The following SLC25A21 variants were observed in gnomAD, a reference collection of about 807,000 sequenced individuals.
SLC25A21 encodes solute carrier family 25 member 21.
In SLC25A21, 47 loss-of-function variants were observed where a neutral mutation model predicts 43.8. The ratio of observed to expected loss-of-function variants is 1.07; its 90% confidence interval spans 0.85 to 1.37. SLC25A21 has a LOEUF of 1.37. SLC25A21 is among the 40% of genes most tolerant of loss of function. The probability of loss-of-function intolerance (pLI) is 0.00; values close to 1 mark genes in which losing one functional copy is unlikely to be tolerated. For missense variants in SLC25A21, 352 were observed against 350.2 expected (o/e 1.00, Z -0.04); for synonymous variants, 131 against 121.3 (o/e 1.08, Z -0.52).
At chr14:36,827,815 T>C (rs848065) in intron 2 of SLC25A21, among the ~76,000 whole-genome samples, 146,049 of 152,274 alleles carry the variant, frequency 0.96, 70,335 homozygotes, top group East Asian at 1. Flanking sequence ...AACAGCTATG[T>C]GGTTTCTGAA....
At chr14:36,706,237 CA>C (rs1883559073) in intron 7 of SLC25A21, among the ~76,000 whole-genome samples, 1 of 152,202 alleles carries the variant, frequency 6.6e-6, no homozygotes, top group South Asian at 2.1e-4. Context: ...TCATCGGGAC[CA>C]TCTCACTTCA....
In SLC25A21 at chr14:36,678,842, A is replaced by T; in HGVS notation, c.*1816T>A. On this transcript the variant is annotated 3_prime_UTR_variant, in exon 10 of 10. Transcript: ENST00000331299. The stretch of plus-strand genomic sequence containing the variant: ...CTTAACAGTGAATTCACATGGAGTA[A>T]TTTTTAAAAGATATCAGATACAATT... 1 of 981,622 alleles carries T rather than the reference A, an allele frequency of 1.0e-6. No individual in the cohort carries two copies. The allele number at this position is 981,622 out of a possible 1,614,324, so 60.8% of individuals were successfully genotyped here. A position where few individuals can be genotyped will look rare whatever the true frequency, so the allele number is the denominator to read the frequency against.
chr14:36,962,379 G>C (rs904173595), intron 1 of SLC25A21, among the ~76,000 whole-genome samples: 2 of 151,978 alleles, frequency 1.3e-5, no homozygotes, highest in Non-Finnish European at 2.9e-5. Flanking sequence ...ATAATTTTAT[G>C]AACTTTATTC....
In SLC25A21 at chr14:36,832,699, A is replaced by C. The variant is rs115227732; in HGVS notation, c.120-18698T>G. ...GGGTACTCAAAAGAATCTACTTTGC[A>C]ACAAAATTTTATTGCCTGTTTGCAG... On this transcript the variant is annotated intron_variant, in intron 2 of 9. Coordinates refer to ENST00000331299, the MANE Select transcript of SLC25A21 (RefSeq NM_030631.4). 8.1e-3 allele frequency among the ~76,000 whole-genome samples: 1,231 copies of C among 152,322 alleles called. 21 individuals are homozygous for C. Among genetic ancestry groups the C allele is most frequent in the African/African-American group, 0.028 (1,161 of 41,572 alleles).
chr14:36,767,095 GCTTT>G (rs1478292663), intron 3 of SLC25A21, among the ~76,000 whole-genome samples: 1 of 152,120 alleles, frequency 6.6e-6, no homozygotes, highest in African/African-American at 2.4e-5. Context: ...CTTACTACAA[GCTTT>G]CTAATTTTAT....
intron 2 of SLC25A21, among the ~76,000 whole-genome samples, chr14:36,857,169 G>C (rs8021615): frequency 0.16 from 24,023 of 152,180 alleles, 2,660 homozygotes; most frequent in African/African-American, 0.31. Flanking sequence ...GGGGTCTGGT[G>C]TGCCTGGGTT....
chr14:37,072,608 G>T (rs890633238), intron 1 of SLC25A21, among the ~76,000 whole-genome samples: 6 of 152,162 alleles, frequency 3.9e-5, no homozygotes, highest in African/African-American at 1.4e-4. Flanking sequence ...TTAGTTGGGC[G>T]TGGTGGTGCA....
intron 2 of SLC25A21, chr14:36,828,760 C>T (rs1555330920): frequency 6.6e-6 from 1 of 152,418 alleles, no homozygotes; most frequent in Non-Finnish European, 1.5e-5. Flanking sequence ...TTCCTGCTCC[C>T]TCATCACACT....
At chr14:36,822,737 C>A (rs1029757451) in intron 2 of SLC25A21, among the ~76,000 whole-genome samples, 5 of 152,150 alleles carry the variant, frequency 3.3e-5, no homozygotes, top group African/African-American at 4.8e-5. Context: ...TCAGATCAAC[C>A]CTGATAGCCT....
At chr14:36,796,522 C>T (rs1342714841) in intron 3 of SLC25A21, among the ~76,000 whole-genome samples, 1 of 151,790 alleles carries the variant, frequency 6.6e-6, no homozygotes, top group Non-Finnish European at 1.5e-5. Flanking sequence ...GACTCAGGCG[C>T]TCCATCAGAT....
chr14:36,962,319 T>C (rs1055307855), intron 1 of SLC25A21, among the ~76,000 whole-genome samples: 6 of 152,284 alleles, frequency 3.9e-5, no homozygotes, highest in Admixed American at 3.9e-4. Flanking sequence ...AGTTGCTTTT[T>C]TGTGTGAGAC....
intron 1 of SLC25A21, among the ~76,000 whole-genome samples, chr14:37,045,871 T>C (rs953126822): frequency 6.6e-6 from 1 of 152,230 alleles, no homozygotes; most frequent in Non-Finnish European, 1.5e-5. Context: ...GACTATGTTG[T>C]CTCATAGTAC....
intron 1 of SLC25A21, among the ~76,000 whole-genome samples, chr14:36,953,990 A>G (rs1282237530): frequency 6.6e-6 from 1 of 152,142 alleles, no homozygotes; most frequent in Non-Finnish European, 1.5e-5. Context: ...TTCTGACTTT[A>G]TTTGACATCT....
intron 3 of SLC25A21, among the ~76,000 whole-genome samples, chr14:36,742,273 C>G (rs1885301191): frequency 6.6e-6 from 1 of 152,126 alleles, no homozygotes; most frequent in Non-Finnish European, 1.5e-5. Flanking sequence ...CTGTCAGATC[C>G]AAGTTTTTTA....
intron 1 of SLC25A21, among the ~76,000 whole-genome samples, chr14:37,094,379 T>C (rs1369811397): frequency 2.6e-5 from 4 of 152,142 alleles, no homozygotes; most frequent in African/African-American, 9.7e-5. Context: ...CCAGCTAAGA[T>C]GATGCCTATT....
intron 2 of SLC25A21, among the ~76,000 whole-genome samples, chr14:36,815,065 AG>A (rs1485740550): frequency 6.6e-6 from 1 of 152,198 alleles, no homozygotes; most frequent in Admixed American, 6.5e-5. Flanking sequence ...AAACTAACAC[AG>A]GAACAGAAAA....
intron 2 of SLC25A21, among the ~76,000 whole-genome samples, chr14:36,847,369 C>T (rs1388245481): frequency 6.6e-6 from 1 of 152,124 alleles, no homozygotes; most frequent in Non-Finnish European, 1.5e-5. Context: ...GGTTATTTGG[C>T]AGTTACTGGC....
intron 3 of SLC25A21, among the ~76,000 whole-genome samples, chr14:36,791,211 A>T (rs1416296074): frequency 6.6e-6 from 1 of 152,172 alleles, no homozygotes; most frequent in Non-Finnish European, 1.5e-5. Flanking sequence ...TTTTCAAACC[A>T]ACGTATTCCC....
intron 2 of SLC25A21, among the ~76,000 whole-genome samples, chr14:36,833,300 C>T (rs1276782795): frequency 2.6e-5 from 4 of 152,168 alleles, no homozygotes; most frequent in Non-Finnish European, 4.4e-5. Flanking sequence ...AAGCAGTTCC[C>T]TTGTGATGCC....
Sources: gnomAD v4.1 joint callset for allele counts (sites outside exome capture counted in the v4.1 genomes callset) on GRCh38, gnomAD v4.1.1 for gene constraint, MANE v1.5 for transcripts, NCBI Gene and HGNC (gene_info 2026-07-23, HGNC 2026-07-21) for gene names.